Variants in CDIN1 observed in about 807,000 individuals in gnomAD.
CDIN1 encodes the protein CDAN1-interacting nuclease 1.
In CDIN1, 33 loss-of-function variants were observed where a neutral mutation model predicts 45.3. The observed-to-expected ratio is 0.73, with a 90% CI of 0.55 to 0.97. CDIN1 has a LOEUF of 0.97. Among genes scored for constraint, CDIN1 ranks in the 50% least tolerant of loss-of-function variants. The pLI is 0.00. For missense variants in CDIN1, 303 were observed against 339.4 expected (o/e 0.89, Z 0.84); for synonymous variants, 118 against 124.4 (o/e 0.95, Z 0.34).
chr15:36,672,691 A>G (rs28634931), intron 5 of CDIN1, among the ~76,000 whole-genome samples: 12,879 of 152,000 alleles, frequency 0.085, 688 homozygotes, highest in Middle Eastern at 0.12. Flanking sequence ...GTTTAGTAGC[A>G]TCTCAGACTA....
At chr15:36,703,752 T>C (rs2140798678) in intron 8 of CDIN1, among the ~76,000 whole-genome samples, 1 of 152,222 alleles carries the variant, frequency 6.6e-6, no homozygotes, top group Non-Finnish European at 1.5e-5. Context: ...GGAGATCCTT[T>C]TTGTGTCTCA....
intron 1 of CDIN1, among the ~76,000 whole-genome samples, chr15:36,634,736 C>T (rs190321618): frequency 1.5e-3 from 232 of 152,210 alleles, no homozygotes; most frequent in Admixed American, 2.5e-3. Context: ...TGGTAGGATA[C>T]GTAATCTGCT....
At chr15:36,621,936 C>G (rs1310371321) in intron 1 of CDIN1, among the ~76,000 whole-genome samples, 1 of 148,064 alleles carries the variant, frequency 6.8e-6, no homozygotes, top group Non-Finnish European at 1.5e-5. Context: ...TCATGATAGA[C>G]TAAATGAAAT....
intron 1 of CDIN1, among the ~76,000 whole-genome samples, chr15:36,614,978 G>C (rs1026821039): frequency 1.3e-5 from 2 of 151,638 alleles, no homozygotes; most frequent in Admixed American, 1.3e-4. Context: ...TTGCTTTCCT[G>C]CCTCCTTGAA....
intron 5 of CDIN1, among the ~76,000 whole-genome samples, chr15:36,675,221 A>G (rs541529395): frequency 6.6e-6 from 1 of 152,134 alleles, no homozygotes; most frequent in Non-Finnish European, 1.5e-5. Flanking sequence ...TCAGCAAAAA[A>G]TGTAATTAAA....
chr15:36,581,453 C>T (rs576688228), intron 1 of CDIN1, among the ~76,000 whole-genome samples: 1 of 152,314 alleles, frequency 6.6e-6, no homozygotes, highest in East Asian at 1.9e-4. Flanking sequence ...TCTTTTCTTT[C>T]TTATTCATGA....
chr15:36,628,804 TAG>T (rs1380018644), intron 1 of CDIN1, among the ~76,000 whole-genome samples: 1 of 152,182 alleles, frequency 6.6e-6, no homozygotes. Context: ...TACATAGACT[TAG>T]AGTCTTTGCA....
At chr15:36,643,126 C>G (rs1403888520) in intron 1 of CDIN1, among the ~76,000 whole-genome samples, 1 of 152,116 alleles carries the variant, frequency 6.6e-6, no homozygotes, top group Non-Finnish European at 1.5e-5. Flanking sequence ...TTAATCATTT[C>G]TCTGCATTTT....
At chr15:36,648,814 A>G (rs1016486999) in intron 3 of CDIN1, 1 of 152,214 alleles carries the variant, frequency 6.6e-6, no homozygotes, top group Non-Finnish European at 1.5e-5. Context: ...TAATATTTCT[A>G]TATATGTAAT....
chr15:36,650,771 A>G (rs2040543814), intron 3 of CDIN1, among the ~76,000 whole-genome samples: 1 of 152,144 alleles, frequency 6.6e-6, no homozygotes, highest in South Asian at 2.1e-4. Context: ...TCTGGATATC[A>G]TAAGATTTCT....
chr15:36,803,274 G>T (rs1458765831), intron 10 of CDIN1, among the ~76,000 whole-genome samples: 1 of 150,768 alleles, frequency 6.6e-6, no homozygotes, highest in African/African-American at 2.4e-5. Flanking sequence ...GAGTATTGCT[G>T]TATAGTGCAA....
At chr15:36,778,949 T>C (rs948826929) in intron 10 of CDIN1, among the ~76,000 whole-genome samples, 1 of 152,212 alleles carries the variant, frequency 6.6e-6, no homozygotes, top group African/African-American at 2.4e-5. Flanking sequence ...CATGAAGCTA[T>C]AATTGAAAAC....
At chr15:36,751,262 G>GATATATATATATATATATATAT (rs2053463307) in intron 10 of CDIN1, among the ~76,000 whole-genome samples, 1 of 50,464 alleles carries the variant, frequency 2.0e-5, no homozygotes, top group Admixed American at 2.2e-4. Flanking sequence ...TATATATATG[G>GATATATATATATATATATATAT]CACTAATAGA....
intron 1 of CDIN1, among the ~76,000 whole-genome samples, chr15:36,596,872 A>G (rs1171372392): frequency 6.6e-6 from 1 of 152,162 alleles, no homozygotes; most frequent in African/African-American, 2.4e-5. Context: ...GGACCTATAA[A>G]TCTGATTCCT....
intron 8 of CDIN1, chr15:36,705,627 A>T (rs1595497821): frequency 6.6e-6 from 1 of 152,272 alleles, no homozygotes; most frequent in Middle Eastern, 3.4e-3. Flanking sequence ...TTCTGAGGCA[A>T]CCATTATCTA....
intron 8 of CDIN1, among the ~76,000 whole-genome samples, chr15:36,699,009 AG>A (rs2042537143): frequency 6.6e-6 from 1 of 152,346 alleles, no homozygotes; most frequent in South Asian, 2.1e-4. Context: ...AAGTACAGAA[AG>A]GGAACTTGAA....
At chr15:36,788,054 C>A (rs1595598812) in intron 10 of CDIN1, among the ~76,000 whole-genome samples, 2 of 131,792 alleles carry the variant, frequency 1.5e-5, no homozygotes, top group African/African-American at 3.0e-5. Flanking sequence ...ATTTAAAGAG[C>A]AATATGACGA....
intron 5 of CDIN1, among the ~76,000 whole-genome samples, chr15:36,678,101 C>A (rs146170259): frequency 2.1e-3 from 319 of 152,268 alleles, no homozygotes; most frequent in African/African-American, 7.2e-3. Flanking sequence ...TAATTTGTCC[C>A]TATAGGATTC....
At chr15:36,594,619 G>A (rs1182975845) in intron 1 of CDIN1, among the ~76,000 whole-genome samples, 4 of 152,164 alleles carry the variant, frequency 2.6e-5, no homozygotes, top group Non-Finnish European at 5.9e-5. Context: ...AGAAGGAAAG[G>A]TTGGAATATA....
Sources: gnomAD v4.1 joint callset for allele counts (sites outside exome capture counted in the v4.1 genomes callset) on GRCh38, gnomAD v4.1.1 for gene constraint, MANE v1.5 for transcripts, NCBI Gene and HGNC (gene_info 2026-07-23, HGNC 2026-07-21) for gene names.